The following CEP126 variants were observed in gnomAD, a reference collection of about 807,000 sequenced individuals.
CEP126 encodes centrosomal protein 126, also known as centrosomal protein of 126 kDa.
A neutral mutation model predicts 107.8 loss-of-function variants in CEP126; 74 were observed. The ratio of observed to expected loss-of-function variants is 0.69; its 90% CI spans 0.57 to 0.83. The LOEUF (loss-of-function observed/expected upper bound fraction) is 0.83, where lower values mean the gene tolerates loss of function less well. Ranked by LOEUF, CEP126 falls within the 40% of genes least tolerant of loss-of-function variation. The pLI is 0.00. For missense variants in CEP126, 1,237 were observed against 1,281.9 expected (o/e 0.96, Z 0.53); for synonymous variants, 449 against 446.0 (o/e 1.01, Z -0.08).
At chr11:101,953,595 T>C (rs1181856812) in intron 4 of CEP126, among the ~76,000 whole-genome samples, 1 of 151,570 alleles carries the variant, frequency 6.6e-6, no homozygotes, top group African/African-American at 2.4e-5. Flanking sequence ...AGTAAGAAAA[T>C]AAATGGGAAA....
chr11:101,958,259 A>G lies in CEP126; in HGVS notation c.598A>G (p.Met200Val). ...LLSKINCEKEMNENMRATLAT... is the reference protein window; with the variant it reads ...LLSKINCEKEVNENMRATLAT... ...ATCCAAAATCAATTGTGAGAAAGAA[A>G]TGAATGAAAACATGAGGGCAACCTT... is the stretch of plus-strand genomic sequence containing the variant. The change falls in exon 5 of 11, where the codon ATG becomes GTG. Residue 200 changes from methionine to valine, a missense_variant. Met to Val is a conservative substitution (Grantham distance 21). Coordinates refer to ENST00000263468, the MANE Select transcript of CEP126 (RefSeq NM_020802.4). 3 of 1,614,064 alleles carry G rather than the reference A, an allele frequency of 1.9e-6. 1 individual carries two copies. The highest frequency in any genetic ancestry group is 8.5e-7 in the Non-Finnish European group (1 of 1,179,952).
intron 10 of CEP126, among the ~76,000 whole-genome samples, 167 bp from the exon 11 acceptor site, chr11:101,997,431 AG>A (rs1417273298): frequency 6.6e-6 from 1 of 152,218 alleles, no homozygotes; most frequent in Non-Finnish European, 1.5e-5. Context: ...ACATAATGTA[AG>A]GGTTGAGGTA....
intron 4 of CEP126, among the ~76,000 whole-genome samples, chr11:101,951,304 G>A (rs1241871680): frequency 6.6e-6 from 1 of 152,004 alleles, no homozygotes; most frequent in Non-Finnish European, 1.5e-5. Context: ...AGGAGTTCAA[G>A]ACCAACCTGG....
chr11:101,923,327 A>G (rs899884671), intron 2 of CEP126, among the ~76,000 whole-genome samples: 11 of 152,218 alleles, frequency 7.2e-5, no homozygotes, highest in African/African-American at 2.7e-4. Flanking sequence ...AGGGTAAACT[A>G]GAAACTATAG....
At chr11:101,939,403 A>G (rs1426118221) in intron 2 of CEP126, among the ~76,000 whole-genome samples, 2 of 152,214 alleles carry the variant, frequency 1.3e-5, no homozygotes, top group African/African-American at 4.8e-5. Context: ...TCTGGTATTA[A>G]TATACATAGT....
intron 2 of CEP126, among the ~76,000 whole-genome samples, chr11:101,931,810 G>A (rs1940504131): frequency 6.6e-6 from 1 of 152,166 alleles, no homozygotes; most frequent in South Asian, 2.1e-4. Context: ...ATTGTTAAAC[G>A]GTTGCCATGA....
At chr11:101,943,599 A>G (rs974776359) in intron 2 of CEP126, among the ~76,000 whole-genome samples, 1 of 151,610 alleles carries the variant, frequency 6.6e-6, no homozygotes, top group Non-Finnish European at 1.5e-5. Context: ...GAGACAGTAC[A>G]GCTTAAACTA....
intron 6 of CEP126, 42 bp from the exon 7 acceptor site, chr11:101,978,305 C>A: frequency 7.4e-7 from 1 of 1,347,684 alleles, no homozygotes; most frequent in Non-Finnish European, 1.1e-6. Flanking sequence ...ATTGGCTACT[C>A]AACTAGCATA....
Position 101,962,378 on chromosome 11 carries a change from GA to G in CEP126, c.1345del (p.Thr449LeufsTer15). 1 of 1,613,766 alleles carries G rather than the reference GA, an allele frequency of 6.2e-7. No homozygotes were observed. Among genetic ancestry groups the G allele is most frequent in the Non-Finnish European group, 8.5e-7 (1 of 1,179,866 alleles). ...TATTCTGAATTAAATCAAGAAAATG[GA>G]ACTACTTCAATTCCTACTTCATGTG... ...EKYSELNQENGTTSIPTSCVP... is the reference protein window; with the variant it reads ...EKYSELNQENXTTSIPTSCVP... On this transcript the variant is annotated frameshift_variant, in exon 6 of 11. Transcript: ENST00000263468. LOFTEE classifies it high-confidence loss of function.
Position 101,915,225 on chromosome 11 carries a change from G to A in CEP126, c.-60G>A, listed in dbSNP as rs988782896. 5 of 1,602,586 alleles carry A rather than the reference G, an allele frequency of 3.1e-6. No individual in the cohort carries two copies. The African/African-American group carries it at 6.7e-5, about 21-fold the overall frequency. On this transcript the variant is annotated 5_prime_UTR_variant, in exon 1 of 11. Transcript: ENST00000263468. ...AGGGGCCGAGCAGGAGGAGGAGGAA[G>A]CCGGAGCTGCCATGAGGGAGGTTCT... is the stretch of plus-strand genomic sequence containing the variant.
intron 4 of CEP126, among the ~76,000 whole-genome samples, chr11:101,957,350 G>T (rs1940912556): frequency 6.6e-6 from 1 of 152,166 alleles, no homozygotes; most frequent in South Asian, 2.1e-4. Flanking sequence ...GCAGCATTCA[G>T]CTATATGGTA....
Position 101,962,604 on chromosome 11 carries a change from A to G in CEP126, c.1569A>G (p.Gln523=). Residue 523 remains glutamine, a synonymous_variant, in exon 6 of 11, where the codon CAA becomes CAG. Coordinates refer to ENST00000263468, the MANE Select transcript of CEP126 (RefSeq NM_020802.4). The stretch of plus-strand genomic sequence containing the variant: ...TGCCTTTATTTTCAGACAGTTTTCA[A>G]GATGCCTATATACCTCACAATCCTG... ...EELPLFSDSF[Q]DAYIPHNPDS... is the part of the protein sequence containing the mutation. 2 of 1,613,768 alleles carry G rather than the reference A, an allele frequency of 1.2e-6. No homozygotes were observed. The highest frequency in any genetic ancestry group is 1.7e-6 in the Non-Finnish European group (2 of 1,179,874).
chr11:101,947,039 G>T (rs1003099620), intron 3 of CEP126, among the ~76,000 whole-genome samples: 2 of 152,148 alleles, frequency 1.3e-5, no homozygotes, highest in Admixed American at 6.5e-5. Context: ...GTAATCACCA[G>T]TTGATTAGGG....
chr11:101,948,051 C>A lies in CEP126; in HGVS notation c.415C>A (p.Pro139Thr). ...TTTAGTTTCCCGAAAACCAGTTCCT[C>A]CATTAGAAGAGGCCCTCAAACAAAT... is the stretch of plus-strand genomic sequence containing the variant. Reference protein sequence around the residue: ...RKAVSRKPVPPLEEALKQIQE... With the variant: ...RKAVSRKPVPTLEEALKQIQE... The change falls in exon 4 of 11, where the codon CCA (proline) becomes ACA (threonine). Residue 139 changes from proline to threonine, a missense_variant. Pro to Thr is a conservative substitution (Grantham distance 38). Around this residue, in one of 3 missense-constraint regions of CEP126, gnomAD observed 1,134 missense variants for 1,150.5 expected, o/e 0.99. Transcript: ENST00000263468. 1 of 1,610,656 alleles carries A rather than the reference C, an allele frequency of 6.2e-7. No individual in the cohort carries two copies. The highest frequency in any genetic ancestry group is 1.1e-5 in the South Asian group (1 of 90,604).
chr11:101,943,504 T>C, intron 2 of CEP126, among the ~76,000 whole-genome samples: 1 of 111,366 alleles, frequency 9.0e-6, no homozygotes, highest in East Asian at 2.0e-4. Flanking sequence ...TTGCCTTTTC[T>C]TTTTTTTTTT....
chr11:101,944,344 A>G lies in CEP126; in HGVS notation c.328A>G (p.Lys110Glu). Reference sequence around the variant, plus strand: ...ACAAATACTTCAACAAAGAAAACAGAAGTTTGAAGAAGTTACTGAAAAATT... The same window carrying G: ...ACAAATACTTCAACAAAGAAAACAGGAGTTTGAAGAAGTTACTGAAAAATT... ...REQILQQRKQ[K>E]FEEVTEKFQR... The change falls in exon 3 of 11, where the codon AAG becomes GAG. Residue 110 changes from lysine (K) to glutamate (E), a missense_variant. This residue lies in a region of CEP126 where 1,134 missense variants were observed against 1,150.5 expected (regional missense o/e 0.99). Coordinates refer to ENST00000263468, the MANE Select transcript of CEP126 (RefSeq NM_020802.4). 6.2e-7 allele frequency: 1 copy of G among 1,611,910 alleles called. No individual in the cohort carries two copies.
intron 6 of CEP126, among the ~76,000 whole-genome samples, chr11:101,971,898 C>T (rs1941133686): frequency 6.6e-6 from 1 of 151,848 alleles, no homozygotes; most frequent in Non-Finnish European, 1.5e-5. Context: ...CACTTGAGCC[C>T]AGGAGTTTGA....
Position 101,915,422 on chromosome 11 carries a change from C to G in CEP126, c.128+10C>G. On this transcript the variant is annotated intron_variant, in intron 1 of 10. Transcript: ENST00000263468. ...GACCTGGCTCTTACCTGTATCCTTC[C>G]CAGCCTGTGGCTGCCAGGGTAGCGA... 1 of 1,600,974 alleles carries G rather than the reference C, an allele frequency of 6.2e-7. No homozygotes were observed. The highest frequency in any genetic ancestry group is 8.5e-7 in the Non-Finnish European group (1 of 1,170,774).
intron 4 of CEP126, chr11:101,956,488 A>G (rs769760286): frequency 2.2e-6 from 1 of 456,540 alleles, no homozygotes; most frequent in Admixed American, 2.3e-5. Context: ...CACCAGCCTC[A>G]GTTCTCTCCC....
Sources: allele counts gnomAD v4.1 joint callset (sites outside exome capture counted in the v4.1 genomes callset), GRCh38; gene constraint gnomAD v4.1.1; regional missense constraint gnomAD v4.1.1; transcripts MANE v1.5; gene names NCBI Gene and HGNC (gene_info 2026-07-23, HGNC 2026-07-21).